The following ATR variants were observed in gnomAD, a reference collection of about 807,000 sequenced individuals.
The protein encoded by ATR is serine/threonine-protein kinase ATR.
Under a neutral mutation model 305.3 loss-of-function variants are expected in ATR, and 142 were observed. That is an observed-to-expected ratio of 0.47 (90% CI 0.41 to 0.53). ATR has a LOEUF of 0.53. Ranked by LOEUF, ATR falls within the 20% of genes least tolerant of loss-of-function variation. The pLI, the probability that ATR is intolerant of heterozygous loss-of-function variation, is 0.00. For synonymous variants in ATR, 1,050 were observed against 1,068.1 expected (o/e 0.98, Z 0.33); for missense variants, 2,135 against 3,133.1 (o/e 0.68, Z 7.60).
At chr3:142,459,469 A>T (rs2108262446) in intron 42 of ATR, 86 bp from the exon 43 acceptor site, 1 of 1,414,232 alleles carries the variant, frequency 7.1e-7, no homozygotes, top group South Asian at 1.2e-5. Context: ...GACAAGAAAC[A>T]TCTACTTTTA....
At chr3:142,497,463 G>C (rs1473502000) in intron 32 of ATR, among the ~76,000 whole-genome samples, 1 of 152,008 alleles carries the variant, frequency 6.6e-6, no homozygotes, top group East Asian at 1.9e-4. Context: ...GACTGAGGCA[G>C]GTGGATCACT....
intron 3 of ATR, 118 bp from the exon 4 acceptor site, chr3:142,563,227 C>T: frequency 9.6e-7 from 1 of 1,040,688 alleles, no homozygotes; most frequent in East Asian, 2.5e-5. Context: ...GAGTGTAAAA[C>T]ATTCTCTTCA....
chr3:142,534,836 C>A (rs750131300), intron 21 of ATR, among the ~76,000 whole-genome samples: 10 of 152,084 alleles, frequency 6.6e-5, no homozygotes, highest in African/African-American at 1.2e-4. Flanking sequence ...TACGAAGATG[C>A]AGTAACCTAA....
intron 36 of ATR, among the ~76,000 whole-genome samples, chr3:142,471,771 T>C (rs1197257512): frequency 4.6e-5 from 7 of 152,182 alleles, no homozygotes; most frequent in African/African-American, 1.7e-4. Context: ...CTCAGCAATT[T>C]TCAATACAAA....
At chr3:142,529,724 G>C (rs889984348) in intron 21 of ATR, among the ~76,000 whole-genome samples, 3 of 151,864 alleles carry the variant, frequency 2.0e-5, no homozygotes, top group African/African-American at 7.3e-5. Context: ...GACATTTTTT[G>C]ACATTTTAAA....
intron 1 of ATR, among the ~76,000 whole-genome samples, chr3:142,577,902 T>C (rs912248565): frequency 2.0e-5 from 3 of 152,202 alleles, no homozygotes; most frequent in African/African-American, 7.2e-5. Flanking sequence ...CACCTCTCCC[T>C]CCTTGTGGTA....
At chr3:142,502,072 A>G (rs1040443585) in intron 30 of ATR, among the ~76,000 whole-genome samples, 5 of 152,172 alleles carry the variant, frequency 3.3e-5, no homozygotes, top group African/African-American at 9.7e-5. Context: ...TAAAAAGTCA[A>G]AAAAGATGTA....
intron 35 of ATR, among the ~76,000 whole-genome samples, chr3:142,491,190 T>C (rs1034461075): frequency 3.9e-5 from 6 of 152,176 alleles, no homozygotes; most frequent in Non-Finnish European, 7.3e-5. Flanking sequence ...TCTGTCTCTA[T>C]GGATTTGCTT....
At chr3:142,451,160 GA>G in intron 46 of ATR, 1 of 1,214,586 alleles carries the variant, frequency 8.2e-7, no homozygotes, top group Non-Finnish European at 1.0e-6. Flanking sequence ...ATCCACTGAG[GA>G]ATCTTCCAAA....
At chr3:142,568,624 G>A (rs2035155496) in intron 1 of ATR, among the ~76,000 whole-genome samples, 1 of 152,182 alleles carries the variant, frequency 6.6e-6, no homozygotes, top group South Asian at 2.1e-4. Flanking sequence ...CAGCCATCCT[G>A]GGTGCAGCTG....
At chr3:142,473,937 T>C (rs569139064) in intron 36 of ATR, among the ~76,000 whole-genome samples, 2 of 138,006 alleles carry the variant, frequency 1.4e-5, no homozygotes, top group South Asian at 2.2e-4. Context: ...AAAAAAGTTA[T>C]TGGATTTTTT....
intron 1 of ATR, among the ~76,000 whole-genome samples, chr3:142,571,090 T>A (rs1340993607): frequency 6.6e-6 from 1 of 152,134 alleles, no homozygotes; most frequent in African/African-American, 2.4e-5. Flanking sequence ...AATAATTTAA[T>A]AAATTCAAAA....
chr3:142,568,217 T>C, intron 1 of ATR, 63 bp from the exon 2 acceptor site: 1 of 1,310,072 alleles, frequency 7.6e-7, no homozygotes, highest in Non-Finnish European at 1.1e-6. Context: ...CAAAAAAAAT[T>C]TCTCTAAAGT....
intron 24 of ATR, among the ~76,000 whole-genome samples, chr3:142,516,025 A>C (rs961810099): frequency 6.6e-6 from 1 of 152,224 alleles, no homozygotes; most frequent in Non-Finnish European, 1.5e-5. Flanking sequence ...TGCTAATTCA[A>C]AGAATTTCTT....
rs2070935399 is a variant in ATR at position 142,457,652 on chromosome 3, C to T, written c.7607G>A (p.Cys2536Tyr). The T allele has an allele frequency of 6.2e-7, 1 of 1,614,030 alleles. No individual in the cohort carries two copies. Residue 2536 changes from cysteine (C) to tyrosine (Y), a missense_variant, in exon 45 of 47, where the codon TGT becomes TAT. Cys to Tyr is a radical substitution (Grantham distance 194, BLOSUM62 -2). Around this residue, in one of 9 missense-constraint regions of ATR, gnomAD observed 462 missense variants for 887.6 expected, o/e 0.52. Coordinates refer to ENST00000350721, the MANE Select transcript of ATR (RefSeq NM_001184.4). Reference protein sequence around the residue: ...MGTEGLFRRACEVTMRLMRDQ... With the variant: ...MGTEGLFRRAYEVTMRLMRDQ... ...ACGCATCAGCCTCATTGTAACTTCA[C>T]ATGCTCTTCGAAAAAGACCCTCTGT...
intron 21 of ATR, among the ~76,000 whole-genome samples, chr3:142,529,921 C>A (rs1164939670): frequency 1.3e-5 from 2 of 151,970 alleles, no homozygotes. Context: ...CAATTTTCTC[C>A]AGGATACAAG....
At chr3:142,461,476 A>C (rs2071022749) in intron 42 of ATR, among the ~76,000 whole-genome samples, 1 of 152,074 alleles carries the variant, frequency 6.6e-6, no homozygotes, top group African/African-American at 2.4e-5. Context: ...ATCATTATTT[A>C]TTTTGCTACT....
intron 37 of ATR, 72 bp from the exon 38 acceptor site, chr3:142,469,641 A>G: frequency 1.5e-6 from 2 of 1,370,228 alleles, no homozygotes; most frequent in South Asian, 2.4e-5. Context: ...ATTTCACAGA[A>G]GAAAAATTTT....
intron 13 of ATR, 148 bp from the exon 14 acceptor site, chr3:142,550,450 T>C (rs2034434458): frequency 1.2e-6 from 1 of 827,588 alleles, no homozygotes; most frequent in East Asian, 2.6e-5. Context: ...CTTAATGAGG[T>C]AGACTATGTC....
Sources: allele counts gnomAD v4.1 joint callset (sites outside exome capture counted in the v4.1 genomes callset), GRCh38; gene constraint gnomAD v4.1.1; regional missense constraint gnomAD v4.1.1; transcripts MANE v1.5; gene names NCBI Gene and HGNC (gene_info 2026-07-23, HGNC 2026-07-21).